The following HCRTR2 variants were observed in gnomAD, a reference collection of about 807,000 sequenced individuals.
HCRTR2 encodes hypocretin receptor 2.
HCRTR2 carries 22 observed loss-of-function variants against 49.0 expected under a neutral mutation model. The observed-to-expected ratio is 0.45, with a 90% confidence interval of 0.32 to 0.64. The LOEUF (loss-of-function observed/expected upper bound fraction) is 0.64. Among genes scored for constraint, HCRTR2 ranks in the 30% least tolerant of loss-of-function variants. HCRTR2 has a pLI of 0.04. For missense variants in HCRTR2, 491 were observed against 559.4 expected (o/e 0.88, Z 1.23); for synonymous variants, 236 against 205.3 (o/e 1.15, Z -1.28).
At chr6:55,245,909 T>C (rs1766433797) in intron 1 of HCRTR2, among the ~76,000 whole-genome samples, 1 of 152,012 alleles carries the variant, frequency 6.6e-6, no homozygotes, top group Non-Finnish European at 1.5e-5. Context: ...TATTTGGAAA[T>C]GGGGTCATTG....
At chr6:55,156,014 A>T (rs186253844) in intron 1 of HCRTR2, among the ~76,000 whole-genome samples, 1 of 151,976 alleles carries the variant, frequency 6.6e-6, no homozygotes, top group Non-Finnish European at 1.5e-5. Flanking sequence ...AAATGAGGGG[A>T]AAAACCCCAG....
chr6:55,236,795 G>A (rs1766222639), intron 1 of HCRTR2, among the ~76,000 whole-genome samples: 1 of 151,874 alleles, frequency 6.6e-6, no homozygotes, highest in South Asian at 2.1e-4. Context: ...TATTTATCCT[G>A]GTTGAAATTT....
chr6:55,179,894 G>A (rs1765102392), intron 1 of HCRTR2, among the ~76,000 whole-genome samples: 1 of 152,118 alleles, frequency 6.6e-6, no homozygotes, highest in African/African-American at 2.4e-5. Flanking sequence ...AACATCCACT[G>A]CTGATGTTAT....
At chr6:55,256,376 GA>G (rs1484664507) in intron 3 of HCRTR2, among the ~76,000 whole-genome samples, 1 of 151,926 alleles carries the variant, frequency 6.6e-6, no homozygotes, top group Non-Finnish European at 1.5e-5. Context: ...TGTAATCTTT[GA>G]ATTTCTGTTA....
chr6:55,134,945 T>C (rs1206847656), intron 1 of HCRTR2, among the ~76,000 whole-genome samples: 6 of 151,966 alleles, frequency 3.9e-5, no homozygotes, highest in Non-Finnish European at 7.4e-5. Flanking sequence ...AATACTGTGA[T>C]GAACATGGAG....
At chr6:55,227,541 C>T (rs1190401565) in intron 1 of HCRTR2, among the ~76,000 whole-genome samples, 1 of 152,164 alleles carries the variant, frequency 6.6e-6, no homozygotes, top group Non-Finnish European at 1.5e-5. Context: ...TTTTGTACTG[C>T]ATTAAAGATT....
chr6:55,272,886 CTG>C (rs1767000964), intron 4 of HCRTR2, among the ~76,000 whole-genome samples: 1 of 127,458 alleles, frequency 7.8e-6, no homozygotes, highest in Admixed American at 8.9e-5. Context: ...AAGTCATAGA[CTG>C]TGTGAAAGAA....
chr6:55,118,709 G>T (rs1300475964), intron 1 of HCRTR2, among the ~76,000 whole-genome samples: 1 of 151,510 alleles, frequency 6.6e-6, no homozygotes, highest in African/African-American at 2.4e-5. Context: ...ATCTTTGAAA[G>T]GTGCCTGTTC....
At chr6:55,218,201 T>C (rs1420677670) in intron 1 of HCRTR2, among the ~76,000 whole-genome samples, 2 of 152,200 alleles carry the variant, frequency 1.3e-5, no homozygotes, top group Non-Finnish European at 2.9e-5. Flanking sequence ...CTGCCTCTAT[T>C]GTCCCTTAAA....
rs117209117 is a variant in HCRTR2, at chr6:55,193,441, G to A, written c.223+18631G>A. On this transcript the variant is annotated intron_variant, in intron 1 of 6. Transcript: ENST00000370862. ...TGTTGCAGAGGCAGGGCATAAAGGA[G>A]CTAAACCTTTGCTACCTTCAGTTTT... Among the ~76,000 whole-genome samples the A allele has an allele frequency of 2.8e-4, 42 of 152,084 alleles. No individual in the cohort carries two copies. In the East Asian group the frequency reaches 7.7e-3, roughly 28 times the overall value.
intron 1 of HCRTR2, among the ~76,000 whole-genome samples, chr6:55,178,709 G>A (rs1765082083): frequency 1.3e-5 from 2 of 152,070 alleles, no homozygotes; most frequent in South Asian, 4.1e-4. Flanking sequence ...TGAATAAAAT[G>A]GTGTTGGCAC....
At chr6:55,123,491 G>A (rs1172859787) in intron 1 of HCRTR2, among the ~76,000 whole-genome samples, 3 of 152,036 alleles carry the variant, frequency 2.0e-5, no homozygotes, top group African/African-American at 4.8e-5. Context: ...TGATTGTGGT[G>A]GATAAGCTTT....
chr6:55,222,829 G>T (rs983091991), intron 1 of HCRTR2, among the ~76,000 whole-genome samples: 5 of 152,090 alleles, frequency 3.3e-5, no homozygotes, highest in South Asian at 2.1e-4. Flanking sequence ...TTTAAAGCAT[G>T]CAAGATGAAA....
rs1212442971 is a variant in HCRTR2, at chr6:55,255,208, C to A, written c.475C>A (p.Pro159Thr). ...GGATCGGTGGTATGCAATCTGTCAC[C>A]CTTTGATGTTTAAGAGCACAGCAAA... is the stretch of plus-strand genomic sequence containing the variant. ...ALDRWYAICHPLMFKSTAKRA... is the reference protein window; with the variant it reads ...ALDRWYAICHTLMFKSTAKRA... The change falls in exon 3 of 7, where the codon CCT becomes ACT. Residue 159 changes from proline (P) to threonine (T), a missense_variant. Pro to Thr is a conservative substitution (Grantham distance 38). Transcript: ENST00000370862. 1 of 1,613,848 alleles carries A rather than the reference C, an allele frequency of 6.2e-7. No homozygotes were observed. Among genetic ancestry groups the A allele is most frequent in the Admixed American group, 1.7e-5 (1 of 59,972 alleles).
At chr6:55,136,686 T>C (rs1356065051) in intron 1 of HCRTR2, among the ~76,000 whole-genome samples, 2 of 152,128 alleles carry the variant, frequency 1.3e-5, no homozygotes, top group Non-Finnish European at 2.9e-5. Context: ...ATAATTCAAG[T>C]CTCCTGCATC....
chr6:55,158,868 G>C (rs1408202527), intron 1 of HCRTR2, among the ~76,000 whole-genome samples: 1 of 152,224 alleles, frequency 6.6e-6, no homozygotes, highest in Non-Finnish European at 1.5e-5. Flanking sequence ...AGGGGCAGCT[G>C]TGGGTGCAGC....
intron 4 of HCRTR2, among the ~76,000 whole-genome samples, chr6:55,274,506 GGTAGA>G (rs893815405): frequency 6.6e-6 from 1 of 151,394 alleles, no homozygotes; most frequent in Non-Finnish European, 1.5e-5. Context: ...GTGGGTTTTT[GGTAGA>G]TTCTTTAGGA....
rs190814335 is a variant in HCRTR2, at chr6:55,196,137, A to T, written c.223+21327A>T. ...TCATTGTTGTTTCTGTCTTCCCAAC[A>T]ACTACACTCCTGTTTCTTCACATTC... On this transcript the variant is annotated intron_variant, in intron 1 of 6. Transcript: ENST00000370862. 3.6e-3 allele frequency among the ~76,000 whole-genome samples: 555 copies of T among 152,310 alleles called. 6 individuals are homozygous for T. The highest frequency in any genetic ancestry group is 0.013 in the African/African-American group (525 of 41,562).
chr6:55,117,299 G>A (rs563664429), intron 1 of HCRTR2, among the ~76,000 whole-genome samples: 17 of 151,758 alleles, frequency 1.1e-4, no homozygotes, highest in Admixed American at 2.6e-4. Flanking sequence ...TATCATGGTA[G>A]CTATTTCATT....
Sources: gnomAD v4.1 joint callset for allele counts (sites outside exome capture counted in the v4.1 genomes callset) on GRCh38, gnomAD v4.1.1 for gene constraint, MANE v1.5 for transcripts, NCBI Gene and HGNC (gene_info 2026-07-23, HGNC 2026-07-21) for gene names.